GALNT13: variants seen among roughly 807,000 people sequenced by gnomAD.
GALNT13 encodes UDP-GalNAc:polypeptide N-acetylgalactosaminyltransferase 13.
In GALNT13, 28 loss-of-function variants were observed where a neutral mutation model predicts 64.2. The ratio of observed to expected loss-of-function variants is 0.44; its 90% CI spans 0.32 to 0.60. The LOEUF (loss-of-function observed/expected upper bound fraction) is 0.60, where lower values mean the gene tolerates loss of function less well. Among genes scored for constraint, GALNT13 ranks in the 20% least tolerant of loss-of-function variants. The pLI is 0.05. For synonymous variants in GALNT13, 214 were observed against 224.6 expected (o/e 0.95, Z 0.42); for missense variants, 577 against 669.8 (o/e 0.86, Z 1.53).
the GALNT13 span, among the ~76,000 whole-genome samples, chr2:153,288,054 C>T: frequency 6.6e-6 from 1 of 152,204 alleles, no homozygotes; most frequent in Admixed American, 6.5e-5. Context: ...GAGGGATGGG[C>T]TACTTTCTGG....
intron 2 of GALNT13, among the ~76,000 whole-genome samples, chr2:153,937,159 T>C (rs946116347): frequency 3.3e-5 from 5 of 152,218 alleles, no homozygotes; most frequent in African/African-American, 1.2e-4. Context: ...TGAAAACATA[T>C]GTCTACAGAA....
chr2:153,247,185 G>A, the GALNT13 span, among the ~76,000 whole-genome samples: 1 of 152,056 alleles, frequency 6.6e-6, no homozygotes, highest in Non-Finnish European at 1.5e-5. Flanking sequence ...CATAATAATA[G>A]TGGGAAACTT....
chr2:153,623,485 G>T, the GALNT13 span, among the ~76,000 whole-genome samples: 11 of 152,052 alleles, frequency 7.2e-5, no homozygotes, highest in Admixed American at 2.0e-4. Flanking sequence ...CAAGTGGAAA[G>T]TAGTTTGCTT....
At chr2:153,604,370 C>T in the GALNT13 span, among the ~76,000 whole-genome samples, 3 of 151,986 alleles carry the variant, frequency 2.0e-5, no homozygotes, top group African/African-American at 4.8e-5. Context: ...GAGCTGTTGC[C>T]AATCTCTGTC....
At chr2:154,229,040 G>A (rs990038714) in intron 4 of GALNT13, among the ~76,000 whole-genome samples, 6 of 151,736 alleles carry the variant, frequency 4.0e-5, no homozygotes, top group African/African-American at 7.3e-5. Flanking sequence ...CTGTATACCC[G>A]GGGCAAGCCT....
chr2:153,126,939 G>T, the GALNT13 span, among the ~76,000 whole-genome samples: 4 of 152,074 alleles, frequency 2.6e-5, no homozygotes, highest in African/African-American at 9.7e-5. Flanking sequence ...TTTTTCGTTG[G>T]CTGGCTGGCT....
At chr2:153,863,072 C>A in the GALNT13 span, among the ~76,000 whole-genome samples, 1 of 152,034 alleles carries the variant, frequency 6.6e-6, no homozygotes, top group Non-Finnish European at 1.5e-5. Context: ...GATGCAGGAC[C>A]AAAATTTGTG....
chr2:154,424,268 T>G (rs1700378103), intron 11 of GALNT13, among the ~76,000 whole-genome samples: 5 of 152,136 alleles, frequency 3.3e-5, no homozygotes, highest in Admixed American at 3.3e-4. Flanking sequence ...AACATGGGAC[T>G]TGGAGCCTGA....
chr2:153,099,147 A>G, the GALNT13 span, among the ~76,000 whole-genome samples: 1 of 152,108 alleles, frequency 6.6e-6, no homozygotes, highest in Non-Finnish European at 1.5e-5. Context: ...AAATAATAAC[A>G]TAGTTTTCCT....
intron 11 of GALNT13, among the ~76,000 whole-genome samples, chr2:154,411,461 T>C (rs532032606): frequency 6.6e-6 from 1 of 151,804 alleles, no homozygotes; most frequent in East Asian, 1.9e-4. Flanking sequence ...ACGCACAGTA[T>C]AGAAAGCTGT....
chr2:153,287,582 T>C, the GALNT13 span, among the ~76,000 whole-genome samples: 1 of 152,108 alleles, frequency 6.6e-6, no homozygotes, highest in African/African-American at 2.4e-5. Context: ...GTTTGGGCCA[T>C]TCAGCTGCTG....
At chr2:153,662,729 T>C in the GALNT13 span, among the ~76,000 whole-genome samples, 1 of 152,310 alleles carries the variant, frequency 6.6e-6, no homozygotes, top group South Asian at 2.1e-4. Context: ...GATATGATTT[T>C]TTTTCTTCAG....
At chr2:153,072,700 A>T in the GALNT13 span, among the ~76,000 whole-genome samples, 3 of 152,110 alleles carry the variant, frequency 2.0e-5, no homozygotes, top group Non-Finnish European at 4.4e-5. Context: ...CCTTTGCTTC[A>T]GCATAAAATG....
At chr2:154,277,322 A>G (rs968111900) in intron 8 of GALNT13, among the ~76,000 whole-genome samples, 3 of 152,148 alleles carry the variant, frequency 2.0e-5, no homozygotes, top group African/African-American at 7.2e-5. Context: ...TAGGAAACCT[A>G]CTGAACCTCG....
chr2:153,679,333 T>G, the GALNT13 span, among the ~76,000 whole-genome samples: 1 of 152,018 alleles, frequency 6.6e-6, no homozygotes, highest in African/African-American at 2.4e-5. Context: ...AAACCATGAC[T>G]GATACAACTT....
the GALNT13 span, among the ~76,000 whole-genome samples, chr2:153,373,345 A>C: frequency 5.9e-5 from 9 of 152,142 alleles, no homozygotes; most frequent in Non-Finnish European, 7.4e-5. Flanking sequence ...AATATGTATA[A>C]ATTTCCCACC....
the GALNT13 span, among the ~76,000 whole-genome samples, chr2:153,272,424 A>C: frequency 2.6e-5 from 4 of 152,004 alleles, no homozygotes; most frequent in Non-Finnish European, 1.5e-5. Context: ...GAAAAAAAAA[A>C]ACAACCCTAT....
chr2:153,082,735 TATATATATTATTTATTGAATAAATAAA>T, the GALNT13 span, among the ~76,000 whole-genome samples: 92 of 139,076 alleles, frequency 6.6e-4, no homozygotes, highest in Middle Eastern at 3.7e-3. Context: ...GGCTGGTTTA[TATATATATTATTTATTGAATAAATAAA>T]ATATATATTA....
intron 4 of GALNT13, among the ~76,000 whole-genome samples, chr2:154,192,084 C>T (rs1293093143): frequency 6.6e-6 from 1 of 152,162 alleles, no homozygotes; most frequent in Non-Finnish European, 1.5e-5. Flanking sequence ...TCGGGCTGCT[C>T]AGCAGCCAGG....
Sources: gnomAD v4.1 joint callset for allele counts (sites outside exome capture counted in the v4.1 genomes callset) on GRCh38, gnomAD v4.1.1 for gene constraint, MANE v1.5 for transcripts, NCBI Gene and HGNC (gene_info 2026-07-23, HGNC 2026-07-21) for gene names.